The following NEBL variants were observed in gnomAD, a reference collection of about 807,000 sequenced individuals.
NEBL encodes nebulette.
Under a neutral mutation model 140.2 loss-of-function variants are expected in NEBL, and 122 were observed. The observed-to-expected ratio is 0.87, with a 90% CI of 0.75 to 1.01. The LOEUF is 1.01. Among genes scored for constraint, NEBL ranks in the 50% least tolerant of loss-of-function variants. NEBL has a pLI of 0.00. For missense variants in NEBL, 1,365 were observed against 1,231.3 expected (o/e 1.11, Z -1.62); for synonymous variants, 436 against 398.9 (o/e 1.09, Z -1.11).
Position 21,053,985 on chromosome 10 carries a change from A to G in NEBL, c.165-33784T>C, listed in dbSNP as rs181204964. Reference sequence around the variant, plus strand: ...GAGGTGGAGGTTGCAGTGAGCCAAGATCACACCACTGCACTCCAGCCTGGG... The same window carrying G: ...GAGGTGGAGGTTGCAGTGAGCCAAGGTCACACCACTGCACTCCAGCCTGGG... On this transcript the variant is annotated intron_variant, in intron 2 of 6. Coordinates refer to the NEBL transcript ENST00000417816. Among the ~76,000 whole-genome samples, 431 of 152,300 alleles carry G rather than the reference A, an allele frequency of 2.8e-3. 1 individual carries two copies. The highest frequency in any genetic ancestry group is 0.012 in the South Asian group (60 of 4,828).
At chr10:20,799,799 T>C (rs1029517070) in intron 26 of NEBL, among the ~76,000 whole-genome samples, 2 of 151,880 alleles carry the variant, frequency 1.3e-5, no homozygotes, top group South Asian at 2.1e-4. Flanking sequence ...AAATCAGGAG[T>C]GTATTTTCTT....
chr10:21,247,479 G>A (rs1217800989), intron 3 of NEBL, among the ~76,000 whole-genome samples: 10 of 152,164 alleles, frequency 6.6e-5, no homozygotes, highest in Non-Finnish European at 1.5e-4. Flanking sequence ...TAGATCACAG[G>A]AGTAGGGCAG....
intron 5 of NEBL, among the ~76,000 whole-genome samples, chr10:20,879,468 C>T (rs74123513): frequency 0.043 from 6,585 of 152,282 alleles, 451 homozygotes; most frequent in African/African-American, 0.14. Context: ...TAGAAAAGTG[C>T]TCTGCTTTTG....
At chr10:21,218,852 G>A (rs1023921926) in intron 3 of NEBL, among the ~76,000 whole-genome samples, 28 of 152,280 alleles carry the variant, frequency 1.8e-4, no homozygotes, top group East Asian at 3.9e-4. Flanking sequence ...GAAAGCTAAC[G>A]GGAGATAAGG....
intron 2 of NEBL, among the ~76,000 whole-genome samples, chr10:21,092,883 G>T (rs144053702): frequency 6.6e-6 from 1 of 152,058 alleles, no homozygotes; most frequent in East Asian, 1.9e-4. Flanking sequence ...GTCCATCAGA[G>T]ACCCATGCCA....
intron 7 of NEBL, among the ~76,000 whole-genome samples, chr10:20,862,522 C>T (rs1032451932): frequency 6.6e-6 from 1 of 152,212 alleles, no homozygotes; most frequent in East Asian, 1.9e-4. Flanking sequence ...CACTCGCCAA[C>T]TACACAGACA....
chr10:20,780,318 G>A lies in NEBL; in HGVS notation c.*5429C>T, dbSNP rs1486920940. 6.6e-6 allele frequency: 1 copy of A among 152,140 alleles called. No individual in the cohort carries two copies. Among genetic ancestry groups the A allele is most frequent in the Non-Finnish European group, 1.5e-5 (1 of 68,032 alleles). The allele number at this position is 152,140 out of a possible 1,614,324, so 9.4% of individuals were successfully genotyped here. A position where few individuals can be genotyped will look rare whatever the true frequency, so the allele number is the denominator to read the frequency against. On this transcript the variant is annotated 3_prime_UTR_variant, in exon 28 of 28. Transcript: ENST00000377122. ...AGAAGAAAATTAGAATTGTACTATT[G>A]AGGACATATGAGGAATTTATTCTTG...
chr10:21,208,058 G>T (rs910472827), intron 3 of NEBL, among the ~76,000 whole-genome samples: 1 of 152,114 alleles, frequency 6.6e-6, no homozygotes, highest in African/African-American at 2.4e-5. Flanking sequence ...ATGATCACAG[G>T]GTGCCAAGTG....
chr10:20,937,407 G>A (rs1468053507), intron 4 of NEBL, among the ~76,000 whole-genome samples: 2 of 152,114 alleles, frequency 1.3e-5, no homozygotes, highest in Non-Finnish European at 2.9e-5. Context: ...AGTGATTGAG[G>A]TACAATGTTC....
chr10:21,095,378 G>A (rs551465025), intron 2 of NEBL, among the ~76,000 whole-genome samples: 2 of 152,264 alleles, frequency 1.3e-5, no homozygotes, highest in South Asian at 4.1e-4. Context: ...CGTTGACAAG[G>A]AAAGATGGCC....
chr10:21,020,722 T>C (rs917586238), intron 2 of NEBL, among the ~76,000 whole-genome samples: 1 of 152,142 alleles, frequency 6.6e-6, no homozygotes, highest in Non-Finnish European at 1.5e-5. Flanking sequence ...TCCCTCCATC[T>C]TGAAATGTCG....
At chr10:20,845,415 C>T (rs1270167303) in intron 11 of NEBL, 47 bp from the exon 12 acceptor site, 1 of 1,187,972 alleles carries the variant, frequency 8.4e-7, no homozygotes, top group East Asian at 2.3e-5. Context: ...ATATCAGTGA[C>T]CATTGAAAAG....
At chr10:21,029,720 A>T in intron 2 of NEBL, 1 of 882,996 alleles carries the variant, frequency 1.1e-6, no homozygotes, top group Non-Finnish European at 1.9e-6. Context: ...TGGTATGAGT[A>T]TCGGGATGGC....
In NEBL at chr10:21,181,558, C is replaced by T. The variant is rs117328688; in HGVS notation, n.349-9081G>A. ...GCCACCAGAGGAAAAAAACAACCCC[C>T]TCTGTAATAGGATCAATTCAAGGGT... On this transcript the variant is annotated intron_variant and non_coding_transcript_variant, in intron 3 of 8. Transcript: ENST00000675702. 6.7e-3 allele frequency among the ~76,000 whole-genome samples: 1,024 copies of T among 152,258 alleles called. 4 individuals carry two copies. The highest frequency in any genetic ancestry group is 0.014 in the Middle Eastern group (4 of 294).
intron 4 of NEBL, among the ~76,000 whole-genome samples, chr10:20,882,515 T>G (rs1212491146): frequency 6.6e-6 from 1 of 152,204 alleles, no homozygotes; most frequent in Admixed American, 6.5e-5. Context: ...GTCTCACACC[T>G]TTTTATCCTG....
At chr10:20,955,083 A>T (rs1835722924) in intron 4 of NEBL, among the ~76,000 whole-genome samples, 1 of 152,234 alleles carries the variant, frequency 6.6e-6, no homozygotes, top group Admixed American at 6.5e-5. Flanking sequence ...AACTGTAAGG[A>T]GAATAGCCCA....
intron 2 of NEBL, among the ~76,000 whole-genome samples, chr10:21,095,084 G>A (rs1231610833): frequency 6.6e-6 from 1 of 152,146 alleles, no homozygotes; most frequent in Non-Finnish European, 1.5e-5. Context: ...AGATAGAAAG[G>A]TTTGTTTCCA....
chr10:20,812,475 C>T (rs71578967), intron 24 of NEBL, among the ~76,000 whole-genome samples: 82 of 143,454 alleles, frequency 5.7e-4, no homozygotes, highest in Middle Eastern at 3.5e-3. Flanking sequence ...CCCCCCTCCC[C>T]CCACCTCACA....
chr10:21,256,550 G>A (rs1045264318), intron 1 of NEBL, among the ~76,000 whole-genome samples: 1 of 152,154 alleles, frequency 6.6e-6, no homozygotes, highest in Admixed American at 6.5e-5. Flanking sequence ...AAGATAACAG[G>A]CTGGATGAGG....
Sources: gnomAD v4.1 joint callset for allele counts (sites outside exome capture counted in the v4.1 genomes callset) on GRCh38, gnomAD v4.1.1 for gene constraint, MANE v1.5 for transcripts, NCBI Gene and HGNC (gene_info 2026-07-23, HGNC 2026-07-21) for gene names.